AGBL4: variants seen among roughly 807,000 people sequenced by gnomAD.
AGBL4 encodes cytosolic carboxypeptidase 6.
AGBL4 carries 58 observed loss-of-function variants against 66.4 expected under a neutral mutation model. That is an observed-to-expected ratio of 0.87 (90% confidence interval 0.71 to 1.09). The LOEUF (loss-of-function observed/expected upper bound fraction) is 1.09. Among genes scored for constraint, AGBL4 ranks in the 50% least tolerant of loss-of-function variants. The probability of loss-of-function intolerance (pLI) is 0.00; values close to 1 mark genes in which losing one functional copy is unlikely to be tolerated. For synonymous variants in AGBL4, 234 were observed against 222.9 expected, an observed-to-expected ratio of 1.05 and a Z score of -0.44; for missense variants, 579 against 631.0, an observed-to-expected ratio of 0.92 and a Z score of 0.88.
In AGBL4 at chr1:48,756,541, T is replaced by C. The variant is rs558897808; in HGVS notation, c.635-93300A>G. Among the ~76,000 whole-genome samples, 13 of 152,002 alleles carry C rather than the reference T, an allele frequency of 8.6e-5. No individual in the cohort carries two copies. In the South Asian group the frequency reaches 2.5e-3, roughly 29 times the overall value. ...GTATTCATGGAAGAAAATAAGGTCA[T>C]AGGAAAGGAAGGAAGAAAGGAAAGA... On this transcript the variant is annotated intron_variant, in intron 6 of 13. Coordinates refer to ENST00000371839, the MANE Select transcript of AGBL4 (RefSeq NM_032785.4).
At chr1:49,588,352 A>G (rs1206068743) in intron 3 of AGBL4, among the ~76,000 whole-genome samples, 1 of 152,186 alleles carries the variant, frequency 6.6e-6, no homozygotes, top group South Asian at 2.1e-4. Context: ...CTCCTTAAGG[A>G]CAGAGACTGA....
At chr1:49,491,724 C>G (rs1647187658) in intron 3 of AGBL4, among the ~76,000 whole-genome samples, 1 of 151,874 alleles carries the variant, frequency 6.6e-6, no homozygotes, top group Admixed American at 6.6e-5. Context: ...TGCCATTTAT[C>G]TGAGCAACTT....
intron 3 of AGBL4, among the ~76,000 whole-genome samples, chr1:49,663,336 T>C (rs1322094758): frequency 1.3e-5 from 2 of 152,134 alleles, no homozygotes; most frequent in African/African-American, 2.4e-5. Flanking sequence ...TTCTTGCCAA[T>C]GGGAATGTGA....
chr1:49,495,184 T>C (rs1197541891), intron 3 of AGBL4, among the ~76,000 whole-genome samples: 3 of 152,032 alleles, frequency 2.0e-5, no homozygotes. Flanking sequence ...ACATGGTACC[T>C]GGAATCATAT....
intron 6 of AGBL4, among the ~76,000 whole-genome samples, chr1:48,815,645 T>C (rs1646155349): frequency 6.6e-6 from 1 of 152,306 alleles, no homozygotes; most frequent in Admixed American, 6.5e-5. Context: ...ATTCTTCATA[T>C]ACTCAGTATC....
chr1:49,080,152 C>A (rs1644783596), intron 4 of AGBL4, among the ~76,000 whole-genome samples: 1 of 151,994 alleles, frequency 6.6e-6, no homozygotes, highest in African/African-American at 2.4e-5. Context: ...TGAAAAACAA[C>A]CAACAAAAAC....
chr1:48,581,684 G>A lies in AGBL4; in HGVS notation c.1267+5320C>T, dbSNP rs116384116. On this transcript the variant is annotated intron_variant, in intron 11 of 13. Coordinates refer to ENST00000371839, the MANE Select transcript of AGBL4 (RefSeq NM_032785.4). ...ATTTCACAAAAACAACAAATGACAG[G>A]AAGGAAAGGCAAGGGACCTAATATT... Among the ~76,000 whole-genome samples, 268 of 152,304 alleles carry A rather than the reference G, an allele frequency of 1.8e-3. 2 individuals are homozygous for A. Among genetic ancestry groups the A allele is most frequent in the Non-Finnish European group, 2.8e-3 (190 of 68,022 alleles).
intron 5 of AGBL4, among the ~76,000 whole-genome samples, chr1:49,013,222 T>A (rs1404146575): frequency 6.6e-6 from 1 of 152,230 alleles, no homozygotes; most frequent in East Asian, 1.9e-4. Flanking sequence ...TGTTTGTAGA[T>A]GACATATTTG....
intron 6 of AGBL4, among the ~76,000 whole-genome samples, chr1:48,721,839 T>G (rs1357292885): frequency 2.0e-5 from 3 of 152,192 alleles, no homozygotes; most frequent in South Asian, 4.1e-4. Context: ...AGGCCTGGAT[T>G]GGGCCCCAGT....
chr1:49,465,603 G>A (rs949134753), intron 3 of AGBL4, among the ~76,000 whole-genome samples: 3 of 151,692 alleles, frequency 2.0e-5, no homozygotes, highest in Non-Finnish European at 4.4e-5. Flanking sequence ...TATTATTCTA[G>A]GCTTTCAGGA....
intron 6 of AGBL4, among the ~76,000 whole-genome samples, chr1:48,799,736 G>A (rs1645767388): frequency 6.6e-6 from 1 of 152,008 alleles, no homozygotes; most frequent in South Asian, 2.1e-4. Context: ...ATGCTTTTTT[G>A]TGTCTATTGA....
At chr1:49,400,966 T>C (rs1427693249) in intron 3 of AGBL4, among the ~76,000 whole-genome samples, 1 of 152,200 alleles carries the variant, frequency 6.6e-6, no homozygotes, top group African/African-American at 2.4e-5. Flanking sequence ...TGGGTTTTAC[T>C]ATGTTGATGT....
chr1:49,108,790 G>A (rs1645348653), intron 4 of AGBL4, among the ~76,000 whole-genome samples: 1 of 152,104 alleles, frequency 6.6e-6, no homozygotes, highest in Admixed American at 6.6e-5. Context: ...GACAGAGAAG[G>A]GGTGACAGCC....
intron 3 of AGBL4, among the ~76,000 whole-genome samples, chr1:49,396,798 C>T (rs899810446): frequency 6.6e-6 from 1 of 152,144 alleles, no homozygotes; most frequent in African/African-American, 2.4e-5. Flanking sequence ...TTTCCTCTTT[C>T]TGCACAGCTC....
At chr1:49,548,360 T>C (rs970572689) in intron 3 of AGBL4, among the ~76,000 whole-genome samples, 2 of 152,162 alleles carry the variant, frequency 1.3e-5, no homozygotes, top group Non-Finnish European at 2.9e-5. Flanking sequence ...TTTGTGAGAG[T>C]GGGCATCCTT....
intron 1 of AGBL4, among the ~76,000 whole-genome samples, chr1:50,000,490 A>T (rs1349357007): frequency 6.6e-6 from 1 of 152,216 alleles, no homozygotes. Flanking sequence ...AAACTAGTAC[A>T]ACCACTGTGG....
intron 3 of AGBL4, among the ~76,000 whole-genome samples, chr1:49,316,765 A>T (rs1645046261): frequency 6.6e-6 from 1 of 151,890 alleles, no homozygotes; most frequent in South Asian, 2.1e-4. Flanking sequence ...TCAATTTTGT[A>T]TCTGGAAATT....
chr1:49,360,998 G>A (rs207460114), intron 3 of AGBL4, among the ~76,000 whole-genome samples: 12 of 151,740 alleles, frequency 7.9e-5, no homozygotes, highest in South Asian at 2.1e-4. Flanking sequence ...GAGTTTCACC[G>A]TGTTGGCCAG....
intron 3 of AGBL4, among the ~76,000 whole-genome samples, chr1:49,262,859 TG>T (rs1355001766): frequency 1.3e-5 from 2 of 152,178 alleles, no homozygotes; most frequent in East Asian, 3.9e-4. Context: ...TGTACACGTA[TG>T]TTTATTGCGG....
Sources: gnomAD v4.1 joint callset for allele counts (sites outside exome capture counted in the v4.1 genomes callset) on GRCh38, gnomAD v4.1.1 for gene constraint, MANE v1.5 for transcripts, NCBI Gene and HGNC (gene_info 2026-07-23, HGNC 2026-07-21) for gene names.